Variants in CPNE4 observed in about 807,000 individuals in gnomAD.
CPNE4 encodes copine 4.
In CPNE4, 25 loss-of-function variants were observed where a neutral mutation model predicts 67.9. The ratio of observed to expected loss-of-function variants is 0.37; its 90% CI spans 0.27 to 0.51. CPNE4 has a LOEUF of 0.51. Ranked by LOEUF, CPNE4 falls within the 20% of genes least tolerant of loss-of-function variation. The pLI, the probability that CPNE4 is intolerant of heterozygous loss-of-function variation, is 0.93. For missense variants in CPNE4, 464 were observed against 690.8 expected (o/e 0.67, Z 3.68); for synonymous variants, 242 against 244.9 (o/e 0.99, Z 0.11).
intron 3 of CPNE4, among the ~76,000 whole-genome samples, chr3:131,707,564 A>G (rs1408403114): frequency 6.6e-6 from 1 of 152,226 alleles, no homozygotes; most frequent in Admixed American, 6.5e-5. Context: ...AACTTGCTCA[A>G]GGTTCCATAG....
chr3:131,915,480 G>A (rs1195909918), intron 1 of CPNE4, among the ~76,000 whole-genome samples: 1 of 152,206 alleles, frequency 6.6e-6, no homozygotes, highest in East Asian at 1.9e-4. Context: ...CATTTGAGGA[G>A]TTATAGATGG....
At chr3:131,978,496 T>TTATATATTTATATATTTATATATATTTA (rs2072806151) in intron 1 of CPNE4, among the ~76,000 whole-genome samples, 1 of 64,682 alleles carries the variant, frequency 1.5e-5, no homozygotes, top group African/African-American at 7.7e-5. Flanking sequence ...TTATATATAT[T>TTATATATTTATATATTTATATATATTTA]TATATATTTA....
intron 1 of CPNE4, among the ~76,000 whole-genome samples, chr3:131,999,591 TTGATG>T (rs2073376986): frequency 6.6e-6 from 1 of 152,068 alleles, no homozygotes; most frequent in South Asian, 2.1e-4. Context: ...GAGAAATGTA[TTGATG>T]TCTGCAATTT....
chr3:131,970,743 T>A (rs1323345425), intron 1 of CPNE4, among the ~76,000 whole-genome samples: 2 of 152,126 alleles, frequency 1.3e-5, no homozygotes, highest in African/African-American at 4.8e-5. Flanking sequence ...AGATCACTTA[T>A]CATAGAAATG....
chr3:131,780,424 A>G (rs1468594348), intron 2 of CPNE4, among the ~76,000 whole-genome samples: 1 of 152,186 alleles, frequency 6.6e-6, no homozygotes, highest in Non-Finnish European at 1.5e-5. Context: ...CATGGAATCA[A>G]TCTATATGCC....
rs187491272 is a variant in CPNE4 at position 131,964,328 on chromosome 3, G to A, written c.-1-58884C>T. On this transcript the variant is annotated intron_variant, in intron 1 of 15. Transcript: ENST00000429747. ...AATGCCTTATCTCCTCCAAATGATC[G>A]CAACTCCTCTCCAGCAAGGGCACAA... Among the ~76,000 whole-genome samples the A allele has an allele frequency of 5.9e-5, 9 of 152,016 alleles. No homozygotes were observed. In the East Asian group the frequency reaches 1.6e-3, roughly 26 times the overall value.
At chr3:132,008,896 G>C (rs1375222435) in intron 1 of CPNE4, among the ~76,000 whole-genome samples, 1 of 152,174 alleles carries the variant, frequency 6.6e-6, no homozygotes, top group Non-Finnish European at 1.5e-5. Flanking sequence ...ATATGCCAGT[G>C]ATCCTTCTAG....
At position 131,898,334 on chromosome 3, in the gene CPNE4, G is replaced by T. The variant is rs2088415736; in HGVS notation, c.180+6930C>A. On this transcript the variant is annotated intron_variant, in intron 2 of 15. Coordinates refer to ENST00000429747, the MANE Select transcript of CPNE4 (RefSeq NM_130808.3). The stretch of plus-strand genomic sequence containing the variant: ...AAGGTACACTATAAAAACTGCTGGG[G>T]ACCAATGCTCCACTTGAATGCCCAG... Among the ~76,000 whole-genome samples the T allele has an allele frequency of 1.3e-5, 2 of 151,996 alleles. 1 individual carries two copies. The highest frequency in any genetic ancestry group is 4.2e-4 in the South Asian group (2 of 4,812).
At chr3:131,822,409 C>A (rs2084994087) in intron 2 of CPNE4, among the ~76,000 whole-genome samples, 1 of 152,176 alleles carries the variant, frequency 6.6e-6, no homozygotes, top group Non-Finnish European at 1.5e-5. Context: ...AATGAATGAA[C>A]AAGGGTTAGA....
At chr3:131,589,710 C>T (rs935149051) in intron 7 of CPNE4, among the ~76,000 whole-genome samples, 2 of 152,190 alleles carry the variant, frequency 1.3e-5, no homozygotes, top group African/African-American at 2.4e-5. Flanking sequence ...CTTTTTAAGA[C>T]ATCAAGAAAA....
At chr3:131,903,112 T>G in intron 2 of CPNE4, among the ~76,000 whole-genome samples, 1 of 152,096 alleles carries the variant, frequency 6.6e-6, no homozygotes, top group East Asian at 1.9e-4. Context: ...CTCGGGTCTT[T>G]TGAACCTTCT....
intron 2 of CPNE4, among the ~76,000 whole-genome samples, chr3:131,762,341 G>A (rs1398764): frequency 6.6e-6 from 1 of 152,038 alleles, no homozygotes; most frequent in Admixed American, 6.6e-5. Flanking sequence ...TTGCCAAGTT[G>A]TATATTAAAT....
intron 1 of CPNE4, among the ~76,000 whole-genome samples, chr3:131,998,231 G>A (rs925224287): frequency 1.3e-5 from 2 of 152,098 alleles, no homozygotes; most frequent in Non-Finnish European, 2.9e-5. Context: ...TGCAGCTGCA[G>A]GCATCCTGGA....
At chr3:131,894,457 A>G (rs573374437) in intron 2 of CPNE4, among the ~76,000 whole-genome samples, 6 of 152,108 alleles carry the variant, frequency 3.9e-5, no homozygotes, top group Admixed American at 2.0e-4. Flanking sequence ...GGGGTAAAAT[A>G]TTTGCAAACC....
intron 10 of CPNE4, among the ~76,000 whole-genome samples, chr3:131,573,341 G>GACAA (rs1937429510): frequency 6.6e-6 from 1 of 152,176 alleles, no homozygotes; most frequent in Middle Eastern, 3.4e-3. Context: ...TGTTGTTGGT[G>GACAA]ACAAACACTG....
intron 7 of CPNE4, among the ~76,000 whole-genome samples, chr3:131,599,859 C>A (rs72999263): frequency 6.6e-6 from 1 of 152,204 alleles, no homozygotes. Context: ...TCTCCACAGA[C>A]TCATGTCTCA....
chr3:132,031,621 A>G (rs528250343), intron 1 of CPNE4, among the ~76,000 whole-genome samples: 1 of 152,314 alleles, frequency 6.6e-6, no homozygotes, highest in South Asian at 2.1e-4. Flanking sequence ...CAATAAGTTC[A>G]TCTCTAAATG....
chr3:131,986,420 T>C (rs2073042360), intron 1 of CPNE4, among the ~76,000 whole-genome samples: 1 of 152,216 alleles, frequency 6.6e-6, no homozygotes, highest in African/African-American at 2.4e-5. Flanking sequence ...CACAGGATGA[T>C]GAGAGCAACA....
At chr3:131,679,723 T>C (rs1405294337) in intron 6 of CPNE4, among the ~76,000 whole-genome samples, 1 of 152,212 alleles carries the variant, frequency 6.6e-6, no homozygotes, top group Non-Finnish European at 1.5e-5. Flanking sequence ...TCAATTTTTA[T>C]GTAATTGTAT....
Sources: allele counts gnomAD v4.1 joint callset (sites outside exome capture counted in the v4.1 genomes callset), GRCh38; gene constraint gnomAD v4.1.1; transcripts MANE v1.5; gene names NCBI Gene and HGNC (gene_info 2026-07-23, HGNC 2026-07-21).